The following C3orf52 variants were observed in gnomAD, a reference collection of about 807,000 sequenced individuals.
C3orf52 encodes the protein TPA-induced transmembrane protein.
A neutral mutation model predicts 24.8 loss-of-function variants in C3orf52; 22 were observed. The observed-to-expected ratio is 0.89, with a 90% CI of 0.63 to 1.27. The LOEUF is 1.27. C3orf52 is among the 50% of genes most tolerant of loss of function. The probability of loss-of-function intolerance (pLI) is 0.00; values close to 1 mark genes in which losing one functional copy is unlikely to be tolerated. For synonymous variants in C3orf52, 93 were observed against 100.2 expected, an observed-to-expected ratio of 0.93 and a Z score of 0.43; for missense variants, 265 against 260.7, an observed-to-expected ratio of 1.02 and a Z score of -0.11.
chr3:112,107,126 A>G (rs541250476), intron 3 of C3orf52, among the ~76,000 whole-genome samples: 13 of 152,346 alleles, frequency 8.5e-5, no homozygotes, highest in African/African-American at 3.1e-4. Context: ...CGACCACTCC[A>G]TATGTTACCT....
Position 112,100,375 on chromosome 3 carries a change from C to T in C3orf52, c.269-2463C>T, listed in dbSNP as rs540845075. 3.9e-5 allele frequency among the ~76,000 whole-genome samples: 6 copies of T among 152,202 alleles called. No individual in the cohort carries two copies. The South Asian group carries it at 6.2e-4, about 16-fold the overall frequency. ...TTTTTAAAAATATGTTTTTTCTACA[C>T]GAATAAGTATAGCCCAGATTATCTC... On this transcript the variant is annotated intron_variant, in intron 2 of 5. Coordinates refer to ENST00000264848, the MANE Select transcript of C3orf52 (RefSeq NM_024616.3).
intron 2 of C3orf52, among the ~76,000 whole-genome samples, chr3:112,101,864 GTT>G (rs751056413): frequency 0.094 from 14,298 of 152,210 alleles, 1,228 homozygotes; most frequent in African/African-American, 0.23. Flanking sequence ...TGGTGAGGCT[GTT>G]GTGGAGCCAG....
intron 4 of C3orf52, chr3:112,123,856 T>G: frequency 1.4e-6 from 2 of 1,404,736 alleles, no homozygotes; most frequent in Non-Finnish European, 1.9e-6. Flanking sequence ...GCTTGACCCT[T>G]GGTCAAGTCT....
intron 1 of C3orf52, among the ~76,000 whole-genome samples, chr3:112,090,688 A>C (rs28722116): frequency 0.061 from 9,209 of 152,158 alleles, 381 homozygotes; most frequent in African/African-American, 0.12. Context: ...TTTTTTCAAC[A>C]CACCAGAGTC....
Position 112,117,191 on chromosome 3 carries a change from T to TC in C3orf52, c.*552dup, listed in dbSNP as rs1237678880. The TC allele has an allele frequency of 1.1e-5, 6 of 545,100 alleles. No individual in the cohort carries two copies. The South Asian group carries it at 1.4e-4, about 13-fold the overall frequency. The allele number at this position is 545,100 out of a possible 1,614,324, so 33.8% of individuals were successfully genotyped here. On this transcript the variant is annotated 3_prime_UTR_variant, in exon 6 of 6. Coordinates refer to ENST00000264848, the MANE Select transcript of C3orf52 (RefSeq NM_024616.3). ...CAATTATTCACTGAAGTCATCCTCC[T>TC]CCCCCCCACCATTCGATTTGATCTA...
chr3:112,116,922 G>A lies in C3orf52; in HGVS notation c.*276G>A. The stretch of plus-strand genomic sequence containing the variant: ...GGGTCAGCGGGTATGTCCCACTGTT[G>A]GAGGTCACTGGTATTCTGTTTGTTT... On this transcript the variant is annotated 3_prime_UTR_variant, in exon 6 of 6. Coordinates refer to ENST00000264848, the MANE Select transcript of C3orf52 (RefSeq NM_024616.3). 6.5e-7 allele frequency: 1 copy of A among 1,536,602 alleles called. No individual in the cohort carries two copies. The highest frequency in any genetic ancestry group is 1.7e-4 in the Middle Eastern group (1 of 5,974).
rs115128942 is a variant in C3orf52, at chr3:112,098,624, C to T, written c.269-4214C>T. ...ATGCTATTTTAGTCTGCTTGGGCTA[C>T]TATAACAGAATATCATAAACTAGGT... On this transcript the variant is annotated intron_variant, in intron 2 of 5. Coordinates refer to ENST00000264848, the MANE Select transcript of C3orf52 (RefSeq NM_024616.3). Among the ~76,000 whole-genome samples, 1,065 of 152,278 alleles carry T rather than the reference C, an allele frequency of 7.0e-3. 11 individuals are homozygous for T. The highest frequency in any genetic ancestry group is 0.023 in the African/African-American group (969 of 41,538).
In C3orf52 at chr3:112,093,483, G is replaced by A. The variant is rs767243607; in HGVS notation, c.262G>A (p.Ala88Thr). 6.2e-7 allele frequency: 1 copy of A among 1,612,540 alleles called. No individual in the cohort carries two copies. Among genetic ancestry groups the A allele is most frequent in the South Asian group, 1.1e-5 (1 of 90,766 alleles). The change falls in exon 2 of 6, where the codon GCT becomes ACT. Residue 88 changes from alanine (A) to threonine (T), a missense_variant. Ala to Thr is a moderately conservative substitution (Grantham distance 58). Coordinates refer to ENST00000264848, the MANE Select transcript of C3orf52 (RefSeq NM_024616.3). ...AGTGATCATCATAGGCTTATGTCTT[G>A]CTGCAGGTAAGAGGATTTAGATGTG... Reference protein sequence around the residue: ...ITVIIIGLCLAAVTYVDEDEN... With the variant: ...ITVIIIGLCLTAVTYVDEDEN...
intron 1 of C3orf52, among the ~76,000 whole-genome samples, chr3:112,090,884 T>C (rs1263872228): frequency 6.6e-6 from 1 of 152,326 alleles, no homozygotes; most frequent in East Asian, 1.9e-4. Context: ...GCTCTGTAAA[T>C]GGGGAGATGT....
Position 112,117,009 on chromosome 3 carries a change from G to T in C3orf52, c.*363G>T. 1 of 1,314,614 alleles carries T rather than the reference G, an allele frequency of 7.6e-7. No homozygotes were observed. The allele number at this position is 1,314,614 out of a possible 1,614,324, so 81.4% of individuals were successfully genotyped here. On this transcript the variant is annotated 3_prime_UTR_variant, in exon 6 of 6. Coordinates refer to ENST00000264848, the MANE Select transcript of C3orf52 (RefSeq NM_024616.3). ...CGTTCTGTCGCTTAGCTGGAGTGCG[G>T]TGGCGTGATCATGGCACTGCTATTC...
chr3:112,098,602 C>T (rs746163602), intron 2 of C3orf52, among the ~76,000 whole-genome samples: 1 of 152,110 alleles, frequency 6.6e-6, no homozygotes, highest in East Asian at 1.9e-4. Context: ...TGTTTGTATG[C>T]TATTTTAGTC....
At chr3:112,091,093 A>C (rs758468529) in intron 1 of C3orf52, among the ~76,000 whole-genome samples, 2 of 152,128 alleles carry the variant, frequency 1.3e-5, no homozygotes, top group Non-Finnish European at 1.5e-5. Context: ...CTCCCCTCGC[A>C]CCTCTGACAG....
Position 112,116,996 on chromosome 3 carries a change from T to G in C3orf52, c.*350T>G, listed in dbSNP as rs554872283. ...TGAGACAGGGTCTCGTTCTGTCGCT[T>G]AGCTGGAGTGCGGTGGCGTGATCAT... is the stretch of plus-strand genomic sequence containing the variant. On this transcript the variant is annotated 3_prime_UTR_variant, in exon 6 of 6. Coordinates refer to ENST00000264848, the MANE Select transcript of C3orf52 (RefSeq NM_024616.3). 698 of 1,414,728 alleles carry G rather than the reference T, an allele frequency of 4.9e-4. 8 individuals carry two copies. The South Asian group carries it at 8.6e-3, about 17-fold the overall frequency. 87.6% of individuals were successfully genotyped at this position (1,414,728 alleles called of 1,614,324 possible).
rs1380638129 is a variant in C3orf52 at position 112,093,354 on chromosome 3, T to C, written c.139-6T>C. The C allele has an allele frequency of 6.2e-7, 1 of 1,613,512 alleles. No individual in the cohort carries two copies. Among genetic ancestry groups the C allele is most frequent in the African/African-American group, 1.3e-5 (1 of 74,928 alleles). ...ACTGCCTCACAATCTCCCTCTGCCT[T>C]TCTAGGCTAACAAGGAAAGCCCCTG... On this transcript the variant is annotated splice_polypyrimidine_tract_variant and splice_region_variant and intron_variant, in intron 1 of 5. Transcript: ENST00000264848.
chr3:112,104,193 G>A (rs941793090), intron 3 of C3orf52, among the ~76,000 whole-genome samples: 3 of 152,132 alleles, frequency 2.0e-5, no homozygotes, highest in African/African-American at 7.2e-5. Context: ...ATGGATGGCG[G>A]TGTCAGTCAT....
intron 1 of C3orf52, among the ~76,000 whole-genome samples, chr3:112,090,745 C>T (rs1229513120): frequency 6.6e-6 from 1 of 152,034 alleles, no homozygotes; most frequent in Non-Finnish European, 1.5e-5. Context: ...GCATGAGAGG[C>T]CAAGGAGGTG....
intron 1 of C3orf52, among the ~76,000 whole-genome samples, chr3:112,090,514 CTG>C (rs2073867868): frequency 6.6e-6 from 1 of 151,884 alleles, no homozygotes; most frequent in Non-Finnish European, 1.5e-5. Flanking sequence ...GACATAAAGT[CTG>C]TGAATATTAA....
intron 3 of C3orf52, among the ~76,000 whole-genome samples, chr3:112,108,722 AT>A (rs2074050619): frequency 6.6e-6 from 1 of 152,206 alleles, no homozygotes; most frequent in African/African-American, 2.4e-5. Context: ...GTTTTAGAAG[AT>A]TATGTAGAAT....
At chr3:112,102,804 T>C in intron 2 of C3orf52, 34 bp from the exon 3 acceptor site, 1 of 1,522,386 alleles carries the variant, frequency 6.6e-7, no homozygotes, top group Non-Finnish European at 8.8e-7. Context: ...TGTTTACTTT[T>C]GTTTTTCATT....
Sources: gnomAD v4.1 joint callset for allele counts (sites outside exome capture counted in the v4.1 genomes callset) on GRCh38, gnomAD v4.1.1 for gene constraint, MANE v1.5 for transcripts, NCBI Gene and HGNC (gene_info 2026-07-23, HGNC 2026-07-21) for gene names.